Variants in CDH19 observed in about 807,000 individuals in gnomAD.
The protein encoded by CDH19 is cadherin 19.
CDH19 carries 67 observed loss-of-function variants against 64.2 expected under a neutral mutation model. The ratio of observed to expected loss-of-function variants is 1.04; its 90% CI spans 0.86 to 1.28. The LOEUF is 1.28. Ranked by LOEUF, CDH19 falls within the 50% of genes most tolerant of loss-of-function variation. The pLI is 0.00. For missense variants in CDH19, 1,030 were observed against 929.0 expected, an observed-to-expected ratio of 1.11 and a Z score of -1.41; for synonymous variants, 346 against 319.3, an observed-to-expected ratio of 1.08 and a Z score of -0.89.
At chr18:66,603,483 A>C (rs966776252) in intron 1 of CDH19, among the ~76,000 whole-genome samples, 7 of 146,946 alleles carry the variant, frequency 4.8e-5, no homozygotes, top group Middle Eastern at 3.9e-3. Context: ...ATATACTTAA[A>C]ATTTTTCATA....
intron 5 of CDH19, among the ~76,000 whole-genome samples, chr18:66,548,984 A>G (rs1987242090): frequency 6.6e-6 from 1 of 152,078 alleles, no homozygotes; most frequent in South Asian, 2.1e-4. Flanking sequence ...TTGGGAGGGT[A>G]GGAAGTGTTG....
Position 66,510,261 on chromosome 18 carries a change from T to C in CDH19, c.1577-1015A>G, listed in dbSNP as rs556195737. ...AAACCCTTAAGGTCTATAAAGCCCA[T>C]GTGATTTTATTCGCTAGGCAGATCT... On this transcript the variant is annotated intron_variant, in intron 10 of 11. Coordinates refer to ENST00000262150, the MANE Select transcript of CDH19 (RefSeq NM_021153.4). Among the ~76,000 whole-genome samples, 531 of 151,754 alleles carry C rather than the reference T, an allele frequency of 3.5e-3. 3 individuals are homozygous for C. Among genetic ancestry groups the C allele is most frequent in the South Asian group, 9.3e-3 (45 of 4,816 alleles).
At chr18:66,565,119 G>C (rs940597120) in intron 3 of CDH19, among the ~76,000 whole-genome samples, 15 of 151,638 alleles carry the variant, frequency 9.9e-5, no homozygotes, top group African/African-American at 3.6e-4. Flanking sequence ...ATGACTTGTG[G>C]TCTAATAAAT....
intron 2 of CDH19, 29 bp downstream of exon 2, chr18:66,571,981 T>C (rs758226938): frequency 1.3e-6 from 2 of 1,500,154 alleles, no homozygotes; most frequent in Admixed American, 1.7e-5. Context: ...GTTGTGCTAT[T>C]TACTGTAACA....
chr18:66,544,114 A>T lies in CDH19; in HGVS notation c.1071T>A (p.Ile357=). The change falls in exon 7 of 12, where the codon ATT becomes ATA. Residue 357 remains isoleucine, a synonymous_variant. Transcript: ENST00000262150. ...CATCAACATCTTCCACCTGGATCTTAATGAAAGTGGTGGAAGCCTCAGTGT... is the reference window on the plus strand; with the variant it reads ...CATCAACATCTTCCACCTGGATCTTTATGAAAGTGGTGGAAGCCTCAGTGT... ...KYHTEASTTF[I]KIQVEDVDEP... 6.2e-7 allele frequency: 1 copy of T among 1,613,966 alleles called. No homozygotes were observed. Among genetic ancestry groups the T allele is most frequent in the South Asian group, 1.1e-5 (1 of 91,082 alleles).
chr18:66,528,238 T>C (rs1430634607), intron 9 of CDH19, among the ~76,000 whole-genome samples: 1 of 152,140 alleles, frequency 6.6e-6, no homozygotes, highest in Non-Finnish European at 1.5e-5. Context: ...ATTAGCTATG[T>C]CCAATTTCTA....
chr18:66,523,822 T>C (rs1197674719), intron 9 of CDH19, among the ~76,000 whole-genome samples: 1 of 149,626 alleles, frequency 6.7e-6, no homozygotes, highest in African/African-American at 2.5e-5. Context: ...GGAAGAGAAG[T>C]CTTCTCCTGC....
At position 66,550,550 on chromosome 18, in the gene CDH19, G is replaced by C. The variant is rs558445561; in HGVS notation, c.775+544C>G. On this transcript the variant is annotated intron_variant, in intron 5 of 11. Coordinates refer to ENST00000262150, the MANE Select transcript of CDH19 (RefSeq NM_021153.4). The stretch of plus-strand genomic sequence containing the variant: ...TATCCTGCTTTATCCAACTGGGTTC[G>C]GTCTAATTACATGAGTGCTTAAAAG... 4.6e-5 allele frequency among the ~76,000 whole-genome samples: 7 copies of C among 152,114 alleles called. No homozygotes were observed. In the South Asian group the frequency reaches 1.5e-3, roughly 32 times the overall value.
intron 7 of CDH19, among the ~76,000 whole-genome samples, chr18:66,538,654 A>G (rs8087996): frequency 0.15 from 22,653 of 152,080 alleles, 1,827 homozygotes; most frequent in South Asian, 0.25. Context: ...ACAAAACACC[A>G]CAAACTGGGT....
chr18:66,537,134 T>C (rs897663830), intron 7 of CDH19, among the ~76,000 whole-genome samples: 1 of 152,002 alleles, frequency 6.6e-6, no homozygotes, highest in Non-Finnish European at 1.5e-5. Flanking sequence ...ATTTAATTAA[T>C]CAAACTACAA....
chr18:66,562,275 T>G (rs1987751410), intron 3 of CDH19, among the ~76,000 whole-genome samples: 1 of 151,588 alleles, frequency 6.6e-6, no homozygotes, highest in South Asian at 2.1e-4. Context: ...GCCCTGAGCT[T>G]GGTTTCCTGC....
intron 1 of CDH19, among the ~76,000 whole-genome samples, chr18:66,580,872 TA>T (rs1988402138): frequency 6.6e-6 from 1 of 152,128 alleles, no homozygotes; most frequent in South Asian, 2.1e-4. Context: ...ATAATGGTCA[TA>T]CATTTCAGCA....
At position 66,505,183 on chromosome 18, in the gene CDH19, C is replaced by T; in HGVS notation, c.1948G>A (p.Asp650Asn). Reference protein sequence around the residue: ...QYDDEGGGEEDTEAFDIAELR... With the variant: ...QYDDEGGGEENTEAFDIAELR... ...TCTGCTATATCAAAGGCCTCTGTAT[C>T]TTCTTCTCCACCCCCTTCATCATCA... Residue 650 changes from aspartate (D) to asparagine (N), a missense_variant, in exon 12 of 12, where the codon GAT becomes AAT. Physicochemically the swap from Asp to Asn is conservative, Grantham distance 23. Transcript: ENST00000262150. 6.2e-7 allele frequency: 1 copy of T among 1,613,324 alleles called. No individual in the cohort carries two copies.
chr18:66,505,055 A>G lies in CDH19; in HGVS notation c.2076T>C (p.Ser692=). The change falls in exon 12 of 12, where the codon AGT becomes AGC. Residue 692 remains serine, a synonymous_variant. Transcript: ENST00000262150. The part of the protein sequence containing the change: ...YRQSLQVGPD[S]AIFRKFILEK... ...CCAGAATGAATTTCCTGAATATGGCACTGTCGGGGCCAACTTGCAAAGACT... is the reference window on the plus strand; with the variant it reads ...CCAGAATGAATTTCCTGAATATGGCGCTGTCGGGGCCAACTTGCAAAGACT... 6.2e-7 allele frequency: 1 copy of G among 1,613,688 alleles called. No individual in the cohort carries two copies. Among genetic ancestry groups the G allele is most frequent in the Non-Finnish European group, 8.5e-7 (1 of 1,179,772 alleles).
intron 1 of CDH19, among the ~76,000 whole-genome samples, chr18:66,588,635 T>TATAG (rs1568211901): frequency 7.0e-6 from 1 of 143,258 alleles, no homozygotes; most frequent in African/African-American, 2.5e-5. Flanking sequence ...TCTATATATA[T>TATAG]ATAGATACAG....
rs779727256 is a variant in CDH19, at chr18:66,572,084, C to A, written c.121G>T (p.Val41Leu). The A allele has an allele frequency of 1.9e-6, 3 of 1,611,694 alleles. No individual in the cohort carries two copies. In the South Asian group the frequency reaches 3.3e-5, roughly 18 times the overall value. The change falls in exon 2 of 12, where the codon GTG becomes TTG. Residue 41 changes from valine (V) to leucine (L), a missense_variant. Transcript: ENST00000262150. Reference sequence around the variant, plus strand: ...TGGTTCCACACCCAGCCACGCTTCACTCTCAAATGAGATCGCACTGGCTGC... The same window carrying A: ...TGGTTCCACACCCAGCCACGCTTCAATCTCAAATGAGATCGCACTGGCTGC... The part of the protein sequence containing the change: ...VKQPVRSHLR[V>L]KRGWVWNQFF...
At position 66,503,229 on chromosome 18, in the gene CDH19, T is replaced by C. The variant is rs1198489661; in HGVS notation, c.*1583A>G. On this transcript the variant is annotated 3_prime_UTR_variant, in exon 12 of 12. Coordinates refer to ENST00000262150, the MANE Select transcript of CDH19 (RefSeq NM_021153.4). ...CTTAAAAGGTCGATTAAAATTAAAG[T>C]GTTTTATTATCTTGTTATCTAATGT... 2 of 151,836 alleles carry C rather than the reference T, an allele frequency of 1.3e-5. No individual in the cohort carries two copies. Among genetic ancestry groups the C allele is most frequent in the Non-Finnish European group, 2.9e-5 (2 of 67,812 alleles). 9.4% of individuals were successfully genotyped at this position (151,836 alleles called of 1,614,324 possible).
At chr18:66,564,479 A>G (rs1288627296) in intron 3 of CDH19, among the ~76,000 whole-genome samples, 1 of 151,894 alleles carries the variant, frequency 6.6e-6, no homozygotes, top group Non-Finnish European at 1.5e-5. Context: ...CAGTGACTAC[A>G]GATATGAAAA....
chr18:66,603,688 TAGGTGTAA>T (rs1989092330), intron 1 of CDH19, among the ~76,000 whole-genome samples: 1 of 152,108 alleles, frequency 6.6e-6, no homozygotes, highest in Admixed American at 6.5e-5. Flanking sequence ...TATCCTAACA[TAGGTGTAA>T]CTTCCCCCCA....
Sources: gnomAD v4.1 joint callset for allele counts (sites outside exome capture counted in the v4.1 genomes callset) on GRCh38, gnomAD v4.1.1 for gene constraint, MANE v1.5 for transcripts, NCBI Gene and HGNC (gene_info 2026-07-23, HGNC 2026-07-21) for gene names.